The following TMCC1 variants were observed in gnomAD, a reference collection of about 807,000 sequenced individuals.
TMCC1 encodes transmembrane and coiled-coil domain family 1, also known as transmembrane and coiled-coil domains protein 1.
TMCC1 carries 15 observed loss-of-function variants against 52.4 expected under a neutral mutation model. The observed-to-expected ratio is 0.29, with a 90% CI of 0.19 to 0.44. TMCC1 has a LOEUF of 0.44. Among genes scored for constraint, TMCC1 ranks in the 20% least tolerant of loss-of-function variants. The pLI, the probability that TMCC1 is intolerant of heterozygous loss-of-function variation, is 1.00. For synonymous variants in TMCC1, 279 were observed against 301.9 expected (o/e 0.92, Z 0.79); for missense variants, 503 against 806.0 (o/e 0.62, Z 4.55).
At chr3:129,667,068 AT>A (rs542618886) in intron 5 of TMCC1, among the ~76,000 whole-genome samples, 31 of 150,508 alleles carry the variant, frequency 2.1e-4, no homozygotes, top group Admixed American at 8.6e-4. Flanking sequence ...TGCCTGGCTA[AT>A]TTTTTTTGTA....
intron 1 of TMCC1, among the ~76,000 whole-genome samples, chr3:129,880,767 C>T (rs1382115012): frequency 6.6e-6 from 1 of 151,412 alleles, no homozygotes; most frequent in African/African-American, 2.4e-5. Context: ...TAGGGATGCT[C>T]AACTGATAAG....
chr3:129,807,609 TAG>T (rs1262036940), intron 4 of TMCC1, among the ~76,000 whole-genome samples: 1 of 152,152 alleles, frequency 6.6e-6, no homozygotes, highest in Non-Finnish European at 1.5e-5. Context: ...TTTGAAATTC[TAG>T]AGAGAAAAAC....
intron 2 of TMCC1, among the ~76,000 whole-genome samples, chr3:129,834,008 A>G (rs1307261292): frequency 6.6e-6 from 1 of 152,244 alleles, no homozygotes; most frequent in Non-Finnish European, 1.5e-5. Context: ...AGGACAGAAA[A>G]TAAGATGTCC....
At chr3:129,847,869 A>C (rs1462632803) in intron 2 of TMCC1, 1 of 152,202 alleles carries the variant, frequency 6.6e-6, no homozygotes, top group Non-Finnish European at 1.5e-5. Context: ...CATTCTAGGG[A>C]GTATGCAGTG....
intron 4 of TMCC1, among the ~76,000 whole-genome samples, chr3:129,763,902 T>TA (rs199688769): frequency 0.014 from 1,997 of 139,906 alleles, 40 homozygotes; most frequent in African/African-American, 0.042. Context: ...TCTACTTACT[T>TA]AAAAAAAAAA....
At chr3:129,870,612 G>C in intron 2 of TMCC1, among the ~76,000 whole-genome samples, 1 of 148,878 alleles carries the variant, frequency 6.7e-6, no homozygotes, top group East Asian at 2.0e-4. Context: ...GGTGGCTGGC[G>C]CCTGTAGTCC....
intron 2 of TMCC1, among the ~76,000 whole-genome samples, chr3:129,873,627 C>T (rs1408650517): frequency 1.3e-5 from 2 of 152,152 alleles, no homozygotes; most frequent in Non-Finnish European, 2.9e-5. Flanking sequence ...CTGCAGTTAG[C>T]TACGATCACA....
intron 2 of TMCC1, among the ~76,000 whole-genome samples, chr3:129,854,255 C>T (rs911873638): frequency 6.6e-6 from 1 of 151,698 alleles, no homozygotes; most frequent in African/African-American, 2.4e-5. Flanking sequence ...AGCCTGGTGT[C>T]GTGGCACACA....
chr3:129,892,293 G>A (rs1395996795), intron 1 of TMCC1, among the ~76,000 whole-genome samples: 1 of 152,188 alleles, frequency 6.6e-6, no homozygotes, highest in Non-Finnish European at 1.5e-5. Context: ...ACACTAGCCA[G>A]AGAGTGGGTG....
At chr3:129,874,325 C>T (rs1021654791) in intron 2 of TMCC1, among the ~76,000 whole-genome samples, 7 of 152,202 alleles carry the variant, frequency 4.6e-5, no homozygotes, top group African/African-American at 1.4e-4. Context: ...TAATGCCTTG[C>T]CTATAATAGA....
intron 2 of TMCC1, chr3:129,857,307 G>C (rs1339206522): frequency 6.6e-6 from 1 of 152,230 alleles, no homozygotes; most frequent in Admixed American, 6.5e-5. Flanking sequence ...CTTACATACA[G>C]CCCAGTGGCA....
chr3:129,790,312 A>G (rs1289142352), intron 4 of TMCC1, among the ~76,000 whole-genome samples: 1 of 152,204 alleles, frequency 6.6e-6, no homozygotes, highest in East Asian at 1.9e-4. Context: ...TTTATCTTTC[A>G]TGTTAGAATG....
At chr3:129,815,122 A>G (rs1228929851) in intron 4 of TMCC1, among the ~76,000 whole-genome samples, 2 of 152,140 alleles carry the variant, frequency 1.3e-5, no homozygotes, top group East Asian at 3.8e-4. Flanking sequence ...CATCACCACA[A>G]GGGAACATTC....
chr3:129,809,582 C>T (rs552248941), intron 4 of TMCC1, among the ~76,000 whole-genome samples: 2 of 151,582 alleles, frequency 1.3e-5, no homozygotes, highest in African/African-American at 4.8e-5. Context: ...TGTAACAATA[C>T]AGTATTGTGA....
intron 3 of TMCC1, among the ~76,000 whole-genome samples, chr3:129,830,840 C>T (rs2058873368): frequency 6.6e-6 from 1 of 152,208 alleles, no homozygotes; most frequent in Non-Finnish European, 1.5e-5. Flanking sequence ...AACTGGTCAT[C>T]TGGTTGCTGC....
chr3:129,688,248 A>C, intron 4 of TMCC1: 1 of 985,142 alleles, frequency 1.0e-6, no homozygotes. Context: ...GCACTGCCAG[A>C]GAAAGCTTGG....
chr3:129,815,708 C>T (rs2058063395), intron 4 of TMCC1, among the ~76,000 whole-genome samples: 2 of 152,104 alleles, frequency 1.3e-5, no homozygotes, highest in South Asian at 4.1e-4. Context: ...CAGTGTAAGA[C>T]CTCAAAAGCA....
intron 4 of TMCC1, among the ~76,000 whole-genome samples, chr3:129,786,188 C>T (rs931628193): frequency 5.3e-5 from 8 of 152,118 alleles, no homozygotes; most frequent in African/African-American, 1.4e-4. Context: ...GATTCACCTG[C>T]CTCGGCCTCC....
intron 2 of TMCC1, among the ~76,000 whole-genome samples, chr3:129,855,659 A>AAAC (rs571762167): frequency 6.6e-6 from 1 of 152,130 alleles, no homozygotes. Context: ...CTTGGCCTAA[A>AAAC]AACAACAACA....
Sources: allele counts gnomAD v4.1 joint callset (sites outside exome capture counted in the v4.1 genomes callset), GRCh38; gene constraint gnomAD v4.1.1; transcripts MANE v1.5; gene names NCBI Gene and HGNC (gene_info 2026-07-23, HGNC 2026-07-21).